The following URI1 variants were observed in gnomAD, a reference collection of about 807,000 sequenced individuals.
URI1 encodes URI1 prefoldin like chaperone, also known as unconventional prefoldin RPB5 interactor 1.
A neutral mutation model predicts 60.2 loss-of-function variants in URI1; 39 were observed. The ratio of observed to expected loss-of-function variants is 0.65; its 90% CI spans 0.50 to 0.85. The LOEUF is 0.85. Ranked by LOEUF, URI1 falls within the 40% of genes least tolerant of loss-of-function variation. The pLI is 0.00. For synonymous variants in URI1, 251 were observed against 236.8 expected (o/e 1.06, Z -0.55); for missense variants, 691 against 665.9 (o/e 1.04, Z -0.42).
chr19:30,009,387 A>G (rs764857735), intron 8 of URI1, 34 bp downstream of exon 8: 4 of 1,550,188 alleles, frequency 2.6e-6, no homozygotes, highest in Middle Eastern at 1.7e-4. Flanking sequence ...AATTTTGCAT[A>G]TAATTTGAAC....
At chr19:29,930,289 T>C (rs1226182911) in intron 1 of URI1, among the ~76,000 whole-genome samples, 1 of 152,166 alleles carries the variant, frequency 6.6e-6, no homozygotes, top group Non-Finnish European at 1.5e-5. Flanking sequence ...ACATCCAATT[T>C]ACAGTTTTTT....
At chr19:30,012,738 C>T (rs542858287) in intron 10 of URI1, 8 of 541,502 alleles carry the variant, frequency 1.5e-5, no homozygotes, top group East Asian at 1.2e-4. Context: ...CTTGTCTTAA[C>T]GTTCTATTTC....
At chr19:29,976,021 C>CG (rs2055518515) in intron 2 of URI1, among the ~76,000 whole-genome samples, 2 of 152,200 alleles carry the variant, frequency 1.3e-5, no homozygotes, top group Non-Finnish European at 2.9e-5. Context: ...GTATCATTAA[C>CG]TAACAGTTCC....
intron 1 of URI1, among the ~76,000 whole-genome samples, chr19:29,951,128 A>AGAT (rs1020593874): frequency 6.6e-6 from 1 of 152,182 alleles, no homozygotes; most frequent in Non-Finnish European, 1.5e-5. Context: ...GTGATTACAT[A>AGAT]GATGATGATG....
chr19:29,964,282 A>G (rs1216657227), intron 1 of URI1, among the ~76,000 whole-genome samples: 3 of 152,004 alleles, frequency 2.0e-5, no homozygotes, highest in African/African-American at 4.8e-5. Context: ...TTTTGTATTT[A>G]TCTGTCTGTC....
At chr19:29,928,239 A>G (rs1186316279) in intron 1 of URI1, among the ~76,000 whole-genome samples, 1 of 152,174 alleles carries the variant, frequency 6.6e-6, no homozygotes, top group East Asian at 1.9e-4. Context: ...GTTTGCTAGC[A>G]GCAAGAAAAC....
chr19:29,982,131 C>T (rs1001768222), intron 2 of URI1, among the ~76,000 whole-genome samples: 2 of 152,190 alleles, frequency 1.3e-5, no homozygotes, highest in African/African-American at 4.8e-5. Context: ...CATTGCTTGA[C>T]TCCTCCTGGC....
intron 4 of URI1, among the ~76,000 whole-genome samples, chr19:29,991,241 T>TA (rs574195568): frequency 2.0e-5 from 3 of 152,212 alleles, no homozygotes; most frequent in Non-Finnish European, 2.9e-5. Context: ...TGTAAATACT[T>TA]ACAGCCTGTA....
At chr19:29,963,139 T>G (rs1365177899) in intron 1 of URI1, among the ~76,000 whole-genome samples, 1 of 152,210 alleles carries the variant, frequency 6.6e-6, no homozygotes, top group Non-Finnish European at 1.5e-5. Context: ...TGGAGTTTCT[T>G]CAGTCTATCG....
At chr19:29,924,901 T>G (rs1324163043) in intron 1 of URI1, among the ~76,000 whole-genome samples, 1 of 152,038 alleles carries the variant, frequency 6.6e-6, no homozygotes, top group Non-Finnish European at 1.5e-5. Flanking sequence ...AACAGTGTGA[T>G]CTCGGTTCAC....
chr19:29,962,573 T>C (rs2055340230), intron 1 of URI1, among the ~76,000 whole-genome samples: 1 of 151,668 alleles, frequency 6.6e-6, no homozygotes, highest in Non-Finnish European at 1.5e-5. Context: ...TTCTGTGTGG[T>C]CAATATTGAT....
chr19:29,956,507 G>T (rs2055249806), intron 1 of URI1: 1 of 1,581,104 alleles, frequency 6.3e-7, no homozygotes, highest in Non-Finnish European at 8.6e-7. Context: ...GTGGGTTGCT[G>T]AATCAAAGCT....
chr19:29,959,637 G>C (rs919102461), intron 1 of URI1, among the ~76,000 whole-genome samples: 1 of 152,134 alleles, frequency 6.6e-6, no homozygotes, highest in Non-Finnish European at 1.5e-5. Flanking sequence ...TTTCAAGCTT[G>C]TTGTCCCTCC....
intron 2 of URI1, among the ~76,000 whole-genome samples, chr19:29,975,670 A>G (rs930921733): frequency 1.3e-5 from 2 of 151,874 alleles, no homozygotes; most frequent in African/African-American, 4.8e-5. Flanking sequence ...TGCCCAGCTA[A>G]TTTTTTTAGT....
At chr19:29,996,479 T>TTGTGTGTGTGTGTG (rs140817981) in intron 4 of URI1, among the ~76,000 whole-genome samples, 1 of 150,428 alleles carries the variant, frequency 6.6e-6, no homozygotes, top group African/African-American at 2.4e-5. Context: ...CAAGGGTGTT[T>TTGTGTGTGTGTGTG]TGTGTGTGTG....
Position 29,971,222 on chromosome 19 carries a change from G to T in URI1, c.147G>T (p.Gln49His). The T allele has an allele frequency of 6.2e-7, 1 of 1,613,196 alleles. No homozygotes were observed. Among genetic ancestry groups the T allele is most frequent in the Non-Finnish European group, 8.5e-7 (1 of 1,179,376 alleles). ...TCACTAACTGCCAAGAGAGAATCCAGCATTGGTGAGTGAAAGATGGTTTTA... is the reference window on the plus strand; with the variant it reads ...TCACTAACTGCCAAGAGAGAATCCATCATTGGTGAGTGAAAGATGGTTTTA... ...KVVTNCQERI[Q>H]HWKKVDNDYN... Residue 49 changes from glutamine (Q) to histidine (H), a missense_variant, in exon 2 of 11, where the codon CAG becomes CAT. Gln to His is a conservative substitution (Grantham distance 24). Coordinates refer to ENST00000392271, the MANE Select transcript of URI1 (RefSeq NM_003796.3).
At chr19:29,937,180 A>C (rs532853142) in intron 1 of URI1, among the ~76,000 whole-genome samples, 5 of 152,292 alleles carry the variant, frequency 3.3e-5, no homozygotes, top group Admixed American at 2.6e-4. Flanking sequence ...TGAATTTCTA[A>C]GTTCAAGCTA....
chr19:29,962,388 T>C (rs557357404), intron 1 of URI1, among the ~76,000 whole-genome samples: 27 of 146,116 alleles, frequency 1.8e-4, no homozygotes, highest in Admixed American at 1.4e-3. Context: ...AAATATAATA[T>C]GTATTTATAG....
intron 9 of URI1, 33 bp downstream of exon 9, chr19:30,011,269 C>T: frequency 6.4e-7 from 1 of 1,555,876 alleles, no homozygotes; most frequent in Non-Finnish European, 8.6e-7. Flanking sequence ...GGGCAGTCTG[C>T]TGGGCTTGCC....
Sources: allele counts gnomAD v4.1 joint callset (sites outside exome capture counted in the v4.1 genomes callset), GRCh38; gene constraint gnomAD v4.1.1; transcripts MANE v1.5; gene names NCBI Gene and HGNC (gene_info 2026-07-23, HGNC 2026-07-21).